GRID2: variants seen among roughly 807,000 people sequenced by gnomAD.
GRID2 encodes glutamate ionotropic receptor delta type subunit 2.
A neutral mutation model predicts 114.8 loss-of-function variants in GRID2; 33 were observed. The ratio of observed to expected loss-of-function variants is 0.29; its 90% CI spans 0.22 to 0.38. The LOEUF (loss-of-function observed/expected upper bound fraction) is 0.38, where lower values mean the gene tolerates loss of function less well. Ranked by LOEUF, GRID2 falls within the 10% of genes least tolerant of loss-of-function variation. The pLI, the probability that GRID2 is intolerant of heterozygous loss-of-function variation, is 1.00. For missense variants in GRID2, 1,184 were observed against 1,257.7 expected (o/e 0.94, Z 0.89); for synonymous variants, 505 against 449.9 (o/e 1.12, Z -1.55).
At chr4:92,951,031 A>G (rs980105139) in intron 2 of GRID2, among the ~76,000 whole-genome samples, 1 of 152,122 alleles carries the variant, frequency 6.6e-6, no homozygotes, top group Non-Finnish European at 1.5e-5. Context: ...CTTCTAAAGG[A>G]AACTCTTTAA....
At chr4:93,613,899 C>T (rs1413549657) in intron 13 of GRID2, among the ~76,000 whole-genome samples, 1 of 151,536 alleles carries the variant, frequency 6.6e-6, no homozygotes, top group African/African-American at 2.4e-5. Context: ...TGGCGGGCGC[C>T]CCTCCCCCAG....
intron 1 of GRID2, among the ~76,000 whole-genome samples, chr4:92,541,157 G>A (rs555551791): frequency 6.6e-6 from 1 of 152,034 alleles, no homozygotes; most frequent in Non-Finnish European, 1.5e-5. Context: ...GTGGGGAGAG[G>A]GGGGAGGGAT....
intron 1 of GRID2, among the ~76,000 whole-genome samples, chr4:92,415,740 GTATATATATATATATATATATATATATA>G (rs70940888): frequency 3.6e-5 from 3 of 82,230 alleles, no homozygotes; most frequent in Non-Finnish European, 4.8e-5. Context: ...GTGTATGTGT[GTATATATATATATATATATATATATATA>G]TATATATATA....
chr4:93,039,667 A>T (rs544778884), intron 2 of GRID2, among the ~76,000 whole-genome samples: 1 of 152,096 alleles, frequency 6.6e-6, no homozygotes, highest in African/African-American at 2.4e-5. Context: ...ATTGGATGGG[A>T]AGCTATCTTA....
At chr4:92,664,520 A>G (rs775213156) in intron 2 of GRID2, among the ~76,000 whole-genome samples, 5 of 151,042 alleles carry the variant, frequency 3.3e-5, no homozygotes, top group Non-Finnish European at 5.9e-5. Flanking sequence ...TGGGTATTCT[A>G]TTGTTGTTGG....
chr4:92,515,226 G>C (rs1417126481), intron 1 of GRID2, among the ~76,000 whole-genome samples: 1 of 151,706 alleles, frequency 6.6e-6, no homozygotes, highest in African/African-American at 2.4e-5. Flanking sequence ...AAATTCTGTT[G>C]TTCACCATTT....
At chr4:93,276,086 T>C (rs1334440948) in intron 8 of GRID2, among the ~76,000 whole-genome samples, 1 of 151,996 alleles carries the variant, frequency 6.6e-6, no homozygotes, top group East Asian at 1.9e-4. Flanking sequence ...GAGTTTTAGC[T>C]CTTACATTTA....
chr4:93,352,652 A>T (rs1760917264), intron 8 of GRID2, among the ~76,000 whole-genome samples: 1 of 152,054 alleles, frequency 6.6e-6, no homozygotes, highest in Non-Finnish European at 1.5e-5. Flanking sequence ...AAGAAATGAC[A>T]ACTAGTTTTA....
At chr4:93,455,627 C>T (rs755676430) in intron 10 of GRID2, 35 bp from the exon 11 acceptor site, 4 of 1,429,026 alleles carry the variant, frequency 2.8e-6, no homozygotes, top group South Asian at 2.3e-5. Context: ...GTTTTTCACA[C>T]TGTTAATGTA....
intron 8 of GRID2, among the ~76,000 whole-genome samples, chr4:93,307,227 A>T (rs1263344654): frequency 3.3e-5 from 5 of 151,906 alleles, no homozygotes; most frequent in African/African-American, 7.2e-5. Context: ...AAAAAAAAAA[A>T]AATAAGAGGA....
intron 8 of GRID2, among the ~76,000 whole-genome samples, chr4:93,260,483 C>T (rs1211223572): frequency 6.6e-6 from 1 of 151,432 alleles, no homozygotes; most frequent in Non-Finnish European, 1.5e-5. Context: ...AGGGTGACAG[C>T]CTTTGCATAC....
rs535644671 is a variant in GRID2, at chr4:92,759,370, C to T, written c.244+169084C>T. ...GTCCTATTTTATATTGACTCACATA[C>T]TTTCTAATTTTTTTTTACTTTATCT... On this transcript the variant is annotated intron_variant, in intron 2 of 15. Coordinates refer to ENST00000282020, the MANE Select transcript of GRID2 (RefSeq NM_001510.4). Among the ~76,000 whole-genome samples, 3 of 152,120 alleles carry T rather than the reference C, an allele frequency of 2.0e-5. No homozygotes were observed. The South Asian group carries it at 6.2e-4, about 32-fold the overall frequency.
intron 2 of GRID2, among the ~76,000 whole-genome samples, chr4:92,753,163 G>A (rs1737537636): frequency 6.6e-6 from 1 of 152,070 alleles, no homozygotes; most frequent in East Asian, 1.9e-4. Flanking sequence ...AAGAATAATT[G>A]AAACCAATAA....
chr4:93,659,422 T>C (rs1723294481), intron 14 of GRID2, among the ~76,000 whole-genome samples: 1 of 152,200 alleles, frequency 6.6e-6, no homozygotes, highest in Non-Finnish European at 1.5e-5. Context: ...ACTAGTATTC[T>C]TTCCCATACA....
At chr4:92,609,600 C>A (rs1729624756) in intron 2 of GRID2, among the ~76,000 whole-genome samples, 1 of 150,378 alleles carries the variant, frequency 6.6e-6, no homozygotes, top group Non-Finnish European at 1.5e-5. Flanking sequence ...GCAGAGTGTA[C>A]AACAGTTACT....
chr4:92,735,532 T>C (rs1477137887), intron 2 of GRID2, among the ~76,000 whole-genome samples: 3 of 152,150 alleles, frequency 2.0e-5, no homozygotes, highest in Admixed American at 2.0e-4. Flanking sequence ...GACTACTGTG[T>C]TTATTGTCTT....
intron 14 of GRID2, among the ~76,000 whole-genome samples, chr4:93,759,672 G>T (rs1002646765): frequency 6.6e-6 from 1 of 152,232 alleles, no homozygotes; most frequent in Non-Finnish European, 1.5e-5. Flanking sequence ...GATAACATTG[G>T]CAAAGCACCC....
intron 1 of GRID2, among the ~76,000 whole-genome samples, chr4:92,526,468 C>T (rs574771616): frequency 3.0e-4 from 45 of 152,102 alleles, no homozygotes; most frequent in African/African-American, 1.1e-3. Flanking sequence ...CTCAGTCTCC[C>T]AAGTAGCTGG....
chr4:93,132,654 A>T (rs1429374772), intron 4 of GRID2, among the ~76,000 whole-genome samples: 1 of 152,200 alleles, frequency 6.6e-6, no homozygotes, highest in East Asian at 1.9e-4. Flanking sequence ...ATTCTGTTAA[A>T]ACATAAAAGA....
Sources: allele counts gnomAD v4.1 joint callset (sites outside exome capture counted in the v4.1 genomes callset), GRCh38; gene constraint gnomAD v4.1.1; transcripts MANE v1.5; gene names NCBI Gene and HGNC (gene_info 2026-07-23, HGNC 2026-07-21).